The following SLCO5A1 variants were observed in gnomAD, a reference collection of about 807,000 sequenced individuals.
The protein encoded by SLCO5A1 is organic anion transporter polypeptide-related protein 4.
In SLCO5A1, 39 loss-of-function variants were observed where a neutral mutation model predicts 65.1. The observed-to-expected ratio is 0.60, with a 90% CI of 0.46 to 0.78. The LOEUF (loss-of-function observed/expected upper bound fraction) is 0.78. SLCO5A1 is among the 30% of genes least tolerant of loss of function. The probability of loss-of-function intolerance (pLI) is 0.00; values close to 1 mark genes in which losing one functional copy is unlikely to be tolerated. For missense variants in SLCO5A1, 1,029 were observed against 1,069.4 expected (o/e 0.96, Z 0.53); for synonymous variants, 438 against 415.7 (o/e 1.05, Z -0.65).
chr8:69,802,884 TC>T (rs1419682618), intron 2 of SLCO5A1, among the ~76,000 whole-genome samples: 1 of 152,162 alleles, frequency 6.6e-6, no homozygotes, highest in Non-Finnish European at 1.5e-5. Flanking sequence ...GCACAGAGGC[TC>T]CCAGAGGCGA....
chr8:69,825,312 T>C (rs1184384746), intron 2 of SLCO5A1, among the ~76,000 whole-genome samples: 2 of 152,162 alleles, frequency 1.3e-5, no homozygotes, highest in Non-Finnish European at 2.9e-5. Context: ...TAAAGGGTAT[T>C]CAATTAGGAA....
intron 5 of SLCO5A1, 32 bp from the exon 6 acceptor site, chr8:69,705,261 A>T: frequency 6.3e-7 from 1 of 1,598,150 alleles, no homozygotes; most frequent in Non-Finnish European, 8.6e-7. Context: ...GATTAATTTG[A>T]ACTCATGTAC....
chr8:69,702,169 G>T (rs1011462964), intron 6 of SLCO5A1, among the ~76,000 whole-genome samples: 1 of 151,692 alleles, frequency 6.6e-6, no homozygotes, highest in African/African-American at 2.4e-5. Flanking sequence ...AACATAATTT[G>T]ATAGAAATAA....
chr8:69,734,313 C>G lies in SLCO5A1; in HGVS notation c.1423+3727G>C, dbSNP rs372164852. Among the ~76,000 whole-genome samples, 17 of 152,290 alleles carry G rather than the reference C, an allele frequency of 1.1e-4. 1 individual carries two copies. The East Asian group carries it at 2.1e-3, about 19-fold the overall frequency. On this transcript the variant is annotated intron_variant, in intron 5 of 9. Transcript: ENST00000260126. The stretch of plus-strand genomic sequence containing the variant: ...CCCTGCTGCTTTGCCTTTGCTCAAG[C>G]TGGTCCTCCACAGGAAATAAACACC...
chr8:69,776,308 A>G (rs1056632305), intron 2 of SLCO5A1, among the ~76,000 whole-genome samples: 3 of 152,214 alleles, frequency 2.0e-5, no homozygotes, highest in African/African-American at 7.2e-5. Flanking sequence ...TTTATGAAGA[A>G]TTTTTATAGC....
At chr8:69,827,308 A>G (rs1820965786) in intron 2 of SLCO5A1, among the ~76,000 whole-genome samples, 2 of 152,008 alleles carry the variant, frequency 1.3e-5, no homozygotes, top group South Asian at 4.1e-4. Context: ...AATATTTAAA[A>G]AAAGAGAAAA....
At chr8:69,773,162 G>A (rs535074715) in intron 2 of SLCO5A1, among the ~76,000 whole-genome samples, 4 of 152,134 alleles carry the variant, frequency 2.6e-5, no homozygotes, top group Non-Finnish European at 2.9e-5. Flanking sequence ...GACCACCATC[G>A]CCTGCACCCT....
At chr8:69,767,849 C>T (rs1179982365) in intron 2 of SLCO5A1, among the ~76,000 whole-genome samples, 2 of 124,868 alleles carry the variant, frequency 1.6e-5, no homozygotes, top group South Asian at 2.6e-4. Flanking sequence ...AAGATTGTGC[C>T]ATTGCAGTCC....
At chr8:69,730,545 C>A (rs780049066) in intron 5 of SLCO5A1, among the ~76,000 whole-genome samples, 1 of 152,098 alleles carries the variant, frequency 6.6e-6, no homozygotes, top group Admixed American at 6.5e-5. Flanking sequence ...GGAGTCCCTG[C>A]GAGGAGTAAC....
In SLCO5A1 at chr8:69,798,325, C is replaced by T. The variant is rs986306917; in HGVS notation, c.907+33442G>A. ...TTTCTTGCACTGCTCTAAAGAAATA[C>T]CTGAGACTGGGTAATTTATAAAGAA... On this transcript the variant is annotated intron_variant, in intron 2 of 9. Coordinates refer to ENST00000260126, the MANE Select transcript of SLCO5A1 (RefSeq NM_030958.3). 4.6e-5 allele frequency among the ~76,000 whole-genome samples: 7 copies of T among 152,110 alleles called. No individual in the cohort carries two copies. The East Asian group carries it at 5.8e-4, about 13-fold the overall frequency.
At position 69,671,648 on chromosome 8, in the gene SLCO5A1, AACTT is replaced by A. The variant is rs1369667978; in HGVS notation, c.*1217_*1220del. On this transcript the variant is annotated 3_prime_UTR_variant, in exon 10 of 10. Transcript: ENST00000260126. ...ATCCTCTCTCAGAATCACTGCCAGAAACTTACAGTAAGGGGGAATCAAAGGGTAG... is the reference window on the plus strand; with the variant it reads ...ATCCTCTCTCAGAATCACTGCCAGAAACAGTAAGGGGGAATCAAAGGGTAG... 1 of 152,218 alleles carries A rather than the reference AACTT, an allele frequency of 6.6e-6. No individual in the cohort carries two copies. The highest frequency in any genetic ancestry group is 1.5e-5 in the Non-Finnish European group (1 of 68,042). 9.4% of individuals were successfully genotyped at this position (152,218 alleles called of 1,614,324 possible). A position where few individuals can be genotyped will look rare whatever the true frequency, so the allele number is the denominator to read the frequency against.
At chr8:69,739,058 T>A (rs1351506268) in intron 4 of SLCO5A1, among the ~76,000 whole-genome samples, 1 of 152,162 alleles carries the variant, frequency 6.6e-6, no homozygotes, top group Non-Finnish European at 1.5e-5. Flanking sequence ...AGACAGTAGT[T>A]AAAAACAAAA....
intron 6 of SLCO5A1, among the ~76,000 whole-genome samples, chr8:69,690,333 C>T (rs978649129): frequency 2.5e-4 from 38 of 152,236 alleles, no homozygotes; most frequent in East Asian, 1.2e-3. Flanking sequence ...ATTTGACATT[C>T]AGAGCACTGG....
intron 2 of SLCO5A1, 32 bp from the exon 3 acceptor site, chr8:69,761,907 A>G: frequency 3.1e-6 from 5 of 1,608,108 alleles, no homozygotes; most frequent in Non-Finnish European, 4.2e-6. Context: ...TGTGAAATAC[A>G]GCGACGTTTT....
intron 5 of SLCO5A1, among the ~76,000 whole-genome samples, chr8:69,722,656 C>T (rs995854439): frequency 1.6e-4 from 25 of 152,086 alleles, no homozygotes; most frequent in African/African-American, 5.8e-4. Context: ...GTCCATTGTT[C>T]CTTCTAAAAC....
intron 2 of SLCO5A1, among the ~76,000 whole-genome samples, chr8:69,805,939 T>C (rs1173239611): frequency 6.6e-6 from 1 of 152,212 alleles, no homozygotes; most frequent in Non-Finnish European, 1.5e-5. Flanking sequence ...GAAACTCTTG[T>C]TTCTCACTAG....
chr8:69,831,712 G>T, intron 2 of SLCO5A1, 55 bp downstream of exon 2: 1 of 1,517,756 alleles, frequency 6.6e-7, no homozygotes, highest in South Asian at 1.2e-5. Flanking sequence ...ATTTTTGTAA[G>T]GAAAGTAAGT....
intron 5 of SLCO5A1, among the ~76,000 whole-genome samples, chr8:69,720,844 T>C (rs1031421964): frequency 1.3e-5 from 2 of 152,168 alleles, no homozygotes; most frequent in Non-Finnish European, 2.9e-5. Flanking sequence ...AGATAGTAAA[T>C]ATTTTCTAAT....
intron 5 of SLCO5A1, among the ~76,000 whole-genome samples, chr8:69,710,671 C>T (rs1476049042): frequency 2.0e-5 from 3 of 152,168 alleles, no homozygotes; most frequent in Non-Finnish European, 4.4e-5. Flanking sequence ...CTCAGGATAA[C>T]AAATCTCCGT....
Sources: allele counts gnomAD v4.1 joint callset (sites outside exome capture counted in the v4.1 genomes callset), GRCh38; gene constraint gnomAD v4.1.1; transcripts MANE v1.5; gene names NCBI Gene and HGNC (gene_info 2026-07-23, HGNC 2026-07-21).